PTRH1: variants seen among roughly 807,000 people sequenced by gnomAD.
PTRH1 encodes the protein peptidyl-tRNA hydrolase.
Under a neutral mutation model 15.7 loss-of-function variants are expected in PTRH1, and 13 were observed. That is an observed-to-expected ratio of 0.83 (90% CI 0.54 to 1.31). The LOEUF (loss-of-function observed/expected upper bound fraction) is 1.31. Among genes scored for constraint, PTRH1 ranks in the 40% most tolerant of loss-of-function variants. The pLI, the probability that PTRH1 is intolerant of heterozygous loss-of-function variation, is 0.00. For missense variants in PTRH1, 319 were observed against 296.2 expected (o/e 1.08, Z -0.56); for synonymous variants, 139 against 136.7 (o/e 1.02, Z -0.12).
At chr9:127,707,625 T>A (rs1234293733) in intron 1 of PTRH1, among the ~76,000 whole-genome samples, 1 of 152,196 alleles carries the variant, frequency 6.6e-6, no homozygotes, top group Non-Finnish European at 1.5e-5. Flanking sequence ...TGTTTCTCCA[T>A]GCTGGGCCTC....
chr9:127,710,827 G>C, downstream of PTRH1: 1 of 1,503,990 alleles, frequency 6.6e-7, no homozygotes, highest in Non-Finnish European at 9.0e-7. Context: ...TAGTCTTCAG[G>C]CCTCAGCTTC....
rs1351770493 is a variant in PTRH1 at position 127,705,369 on chromosome 9, G to A, written c.205+10066C>T. On this transcript the variant is annotated intron_variant, in intron 1 of 2. Coordinates refer to the PTRH1 transcript ENST00000335223. The surrounding 1 kb of genome is among the most constrained non-coding windows in gnomAD (Gnocchi z 4.7). ...TCCAAAGTAGGGAGCTTTGGGGAGA[G>A]TCTCCAAGCAAACCCCAGAAAGTGC... is the stretch of plus-strand genomic sequence containing the variant. Among the ~76,000 whole-genome samples, 1 of 152,218 alleles carries A rather than the reference G, an allele frequency of 6.6e-6. No homozygotes were observed. The highest frequency in any genetic ancestry group is 1.5e-5 in the Non-Finnish European group (1 of 68,040).
chr9:127,708,064 A>C (rs1026745138), intron 1 of PTRH1, among the ~76,000 whole-genome samples: 2 of 152,168 alleles, frequency 1.3e-5, no homozygotes, highest in Non-Finnish European at 2.9e-5. Flanking sequence ...AGGAGGCACC[A>C]AGATGGGAGC....
chr9:127,695,563 T>G (rs142571200), intron 1 of PTRH1: 9 of 162,460 alleles, frequency 5.5e-5, no homozygotes, highest in Non-Finnish European at 1.1e-4. Context: ...TGAAGCCTGT[T>G]AGCAATAATG....
At chr9:127,706,556 T>C (rs1474544444) in intron 1 of PTRH1, among the ~76,000 whole-genome samples, 2 of 152,050 alleles carry the variant, frequency 1.3e-5, no homozygotes, top group African/African-American at 4.8e-5. Flanking sequence ...ATGGAGCTCA[T>C]AGAGGCACCC....
At chr9:127,707,640 T>TC (rs1842676649) in intron 1 of PTRH1, among the ~76,000 whole-genome samples, 1 of 152,214 alleles carries the variant, frequency 6.6e-6, no homozygotes, top group South Asian at 2.1e-4. Flanking sequence ...GGCCTCAGTT[T>TC]CCCCAAATAT....
downstream of PTRH1, chr9:127,712,408 G>T (rs1842788092): frequency 6.3e-7 from 1 of 1,588,504 alleles, no homozygotes; most frequent in East Asian, 2.3e-5. Flanking sequence ...CAAGATGGAA[G>T]CTGCTTGCAG....
chr9:127,704,505 CA>C (rs374789277), intron 1 of PTRH1, among the ~76,000 whole-genome samples: 2,008 of 50,422 alleles, frequency 0.04, 18 homozygotes, highest in African/African-American at 0.094. Context: ...GACACTGTCT[CA>C]AAAAAAAAAA....
rs1280977791 is a variant in PTRH1, at chr9:127,714,161, G to A, written c.584C>T (p.Ala195Val). ...GATGTGGTCCAAGATCAGGTCGGTG[G>A]CTCGATCCAGCAACAGAGGCAGCAG... ...QELLPLLLDR[A>V]TDLILDHIRE... Residue 195 changes from alanine to valine, a missense_variant, in exon 5 of 5, where the codon GCC (alanine) becomes GTC (valine). Ala to Val is a moderately conservative substitution (Grantham distance 64). Transcript: ENST00000543175. The A allele has an allele frequency of 1.9e-6, 3 of 1,613,826 alleles. No individual in the cohort carries two copies. The highest frequency in any genetic ancestry group is 2.5e-6 in the Non-Finnish European group (3 of 1,180,006).
At chr9:127,704,594 G>A (rs554225549) in intron 1 of PTRH1, among the ~76,000 whole-genome samples, 1 of 151,866 alleles carries the variant, frequency 6.6e-6, no homozygotes, top group South Asian at 2.1e-4. Flanking sequence ...AGAGATATGC[G>A]ACTGTGATGT....
At position 127,705,862 on chromosome 9, in the gene PTRH1, G is replaced by T. The variant is rs1842642025; in HGVS notation, c.205+9573C>A. ...CTGAGGCCTGTGCAGAAGCATGGGG[G>T]TCTCTTCCCTCTGCCAGTCACATTT... On this transcript the variant is annotated intron_variant, in intron 1 of 2. Transcript: ENST00000335223. This position sits in a 1 kb window ranked among gnomAD's most constrained non-coding sequence, Gnocchi z 4.7. Among the ~76,000 whole-genome samples, 1 of 152,248 alleles carries T rather than the reference G, an allele frequency of 6.6e-6. No individual in the cohort carries two copies. Among genetic ancestry groups the T allele is most frequent in the Admixed American group, 6.5e-5 (1 of 15,286 alleles).
chr9:127,712,385 G>T (rs895682992), downstream of PTRH1: 6 of 1,609,534 alleles, frequency 3.7e-6, no homozygotes, highest in South Asian at 4.4e-5. Context: ...CGCAAGGGGA[G>T]GGGGAGTGAG....
intron 1 of PTRH1, among the ~76,000 whole-genome samples, chr9:127,697,312 T>C (rs1235990270): frequency 1.3e-5 from 2 of 152,144 alleles, no homozygotes; most frequent in Non-Finnish European, 2.9e-5. Flanking sequence ...GTGATCTGAG[T>C]TACGCTCCTT....
chr9:127,712,190 G>C, downstream of PTRH1: 1 of 1,613,820 alleles, frequency 6.2e-7, no homozygotes, highest in Non-Finnish European at 8.5e-7. Flanking sequence ...CATCCCAGTT[G>C]GGGTCCAGGA....
chr9:127,704,915 A>ATT (rs954217968), intron 1 of PTRH1, among the ~76,000 whole-genome samples: 1 of 145,148 alleles, frequency 6.9e-6, no homozygotes, highest in Non-Finnish European at 1.5e-5. Context: ...GGCCTGGTTA[A>ATT]TTTTTTTTTT....
At position 127,705,066 on chromosome 9, in the gene PTRH1, G is replaced by A. The variant is rs1842632463; in HGVS notation, c.206-9925C>T. Among the ~76,000 whole-genome samples, 3 of 152,154 alleles carry A rather than the reference G, an allele frequency of 2.0e-5. No individual in the cohort carries two copies. The highest frequency in any genetic ancestry group is 1.9e-4 in the East Asian group (1 of 5,198). On this transcript the variant is annotated intron_variant, in intron 1 of 2. Transcript: ENST00000335223. This position sits in a 1 kb window ranked among gnomAD's most constrained non-coding sequence, Gnocchi z 4.7. ...CCTGGCCAAGGGCATGTTTAATGAT[G>A]CCTGGCCTCCCTGCTTCCCCAGGGC...
Position 127,714,297 on chromosome 9 carries a change from G to GA in PTRH1, c.463-16dup, listed in dbSNP as rs1289882118. The GA allele has an allele frequency of 6.2e-7, 1 of 1,614,010 alleles. No individual in the cohort carries two copies. The highest frequency in any genetic ancestry group is 2.2e-5 in the East Asian group (1 of 44,880). Reference sequence around the variant, plus strand: ...CTTGGCATTGCCTGTGGGAGAGCCAGAGAGGCCCAGGAAGCTTTGGCGAGG... The same window carrying GA: ...CTTGGCATTGCCTGTGGGAGAGCCAGAAGAGGCCCAGGAAGCTTTGGCGAGG... On this transcript the variant is annotated splice_polypyrimidine_tract_variant and intron_variant, in intron 4 of 4. Transcript: ENST00000543175.
At chr9:127,714,900 T>A in intron 2 of PTRH1, 75 bp downstream of exon 2, 1 of 1,042,798 alleles carries the variant, frequency 9.6e-7, no homozygotes, top group South Asian at 1.6e-5. Flanking sequence ...TCACAGCCAG[T>A]GCTCCCCTCT....
chr9:127,714,140 T>C lies in PTRH1; in HGVS notation c.605A>G (p.His202Arg). 1 of 1,613,746 alleles carries C rather than the reference T, an allele frequency of 6.2e-7. No homozygotes were observed. Among genetic ancestry groups the C allele is most frequent in the Non-Finnish European group, 8.5e-7 (1 of 1,179,972 alleles). The change falls in exon 5 of 5, where the codon CAC becomes CGC. Residue 202 changes from histidine to arginine, a missense_variant. Transcript: ENST00000543175. ...GGGCCCCTGGCTTCGCTCACGGATG[T>C]GGTCCAAGATCAGGTCGGTGGCTCG... ...LDRATDLILD[H>R]IRERSQGPSL...
Sources: allele counts gnomAD v4.1 joint callset (sites outside exome capture counted in the v4.1 genomes callset), GRCh38; gene constraint gnomAD v4.1.1; non-coding constraint Gnocchi (gnomAD v3.1); transcripts MANE v1.5; gene names NCBI Gene and HGNC (gene_info 2026-07-23, HGNC 2026-07-21).